Variants in EXOC6B observed in about 807,000 individuals in gnomAD.
EXOC6B encodes the protein SEC15 homolog B.
In EXOC6B, 54 loss-of-function variants were observed where a neutral mutation model predicts 113.5. That is an observed-to-expected ratio of 0.48 (90% CI 0.38 to 0.60). The LOEUF (loss-of-function observed/expected upper bound fraction) is 0.60, where lower values mean the gene tolerates loss of function less well. EXOC6B is among the 20% of genes least tolerant of loss of function. The probability of loss-of-function intolerance (pLI) is 0.00; values close to 1 mark genes in which losing one functional copy is unlikely to be tolerated. For missense variants in EXOC6B, 797 were observed against 977.5 expected, an observed-to-expected ratio of 0.82 and a Z score of 2.46; for synonymous variants, 357 against 339.0, an observed-to-expected ratio of 1.05 and a Z score of -0.58.
intron 1 of EXOC6B, among the ~76,000 whole-genome samples, chr2:72,786,243 A>C (rs1684368436): frequency 6.6e-6 from 1 of 152,258 alleles, no homozygotes; most frequent in Admixed American, 6.5e-5. Flanking sequence ...GAAGAAATAC[A>C]AAGAAATTAT....
At position 72,329,284 on chromosome 2, in the gene EXOC6B, G is replaced by C. The variant is rs138616261; in HGVS notation, c.2196+5663C>G. On this transcript the variant is annotated intron_variant, in intron 20 of 21. Coordinates refer to ENST00000272427, the MANE Select transcript of EXOC6B (RefSeq NM_015189.3). ...CAGGACCAGTATTAAGTACATGTGG[G>C]AAATGGCTTCCTGTTAACAGTTTAA... 5.3e-3 allele frequency among the ~76,000 whole-genome samples: 800 copies of C among 152,120 alleles called. 12 individuals carry two copies. Among genetic ancestry groups the C allele is most frequent in the African/African-American group, 0.018 (755 of 41,534 alleles).
intron 2 of EXOC6B, among the ~76,000 whole-genome samples, chr2:72,740,707 C>T (rs1388547618): frequency 6.6e-6 from 1 of 152,186 alleles, no homozygotes; most frequent in Non-Finnish European, 1.5e-5. Flanking sequence ...AGCAAGGAAA[C>T]AGAAACATGA....
intron 20 of EXOC6B, among the ~76,000 whole-genome samples, chr2:72,188,197 CCA>C (rs547947782): frequency 9.2e-4 from 140 of 152,288 alleles, no homozygotes; most frequent in Non-Finnish European, 1.8e-3. Context: ...GTCTGCAGCC[CCA>C]GTCTTGCCTC....
chr2:72,283,350 C>T (rs1314822070), intron 20 of EXOC6B, among the ~76,000 whole-genome samples: 1 of 152,066 alleles, frequency 6.6e-6, no homozygotes, highest in African/African-American at 2.4e-5. Context: ...TCAACAATTC[C>T]TAGATTTGTA....
intron 1 of EXOC6B, among the ~76,000 whole-genome samples, chr2:72,779,924 G>T (rs1683927093): frequency 6.6e-6 from 1 of 152,148 alleles, no homozygotes. Context: ...CACAGAGGTG[G>T]GAGGAAAGAG....
At chr2:72,537,088 T>A (rs4852291) in intron 8 of EXOC6B, among the ~76,000 whole-genome samples, 132,521 of 152,188 alleles carry the variant, frequency 0.87, 57,924 homozygotes, top group East Asian at 0.99. Flanking sequence ...TATGTTTTGC[T>A]GATTTTTAAA....
intron 6 of EXOC6B, among the ~76,000 whole-genome samples, chr2:72,609,248 A>C (rs568835654): frequency 6.6e-6 from 1 of 152,214 alleles, no homozygotes; most frequent in East Asian, 1.9e-4. Flanking sequence ...AAACAGCAAT[A>C]GAGTCAGACC....
At chr2:72,405,407 C>G (rs190428334) in intron 18 of EXOC6B, among the ~76,000 whole-genome samples, 1 of 152,134 alleles carries the variant, frequency 6.6e-6, no homozygotes, top group Non-Finnish European at 1.5e-5. Context: ...TTGTCAGATT[C>G]ACCGAAGTTC....
chr2:72,342,543 G>A (rs1485336892), intron 19 of EXOC6B, among the ~76,000 whole-genome samples: 2 of 152,066 alleles, frequency 1.3e-5, no homozygotes, highest in Non-Finnish European at 2.9e-5. Flanking sequence ...TATAATGAAC[G>A]TTGGTGAGGG....
At chr2:72,343,470 T>C (rs1329155533) in intron 19 of EXOC6B, among the ~76,000 whole-genome samples, 1 of 152,156 alleles carries the variant, frequency 6.6e-6, no homozygotes, top group African/African-American at 2.4e-5. Context: ...GTGATAATAA[T>C]ACTAGCTTTT....
intron 17 of EXOC6B, among the ~76,000 whole-genome samples, chr2:72,480,014 G>A (rs1345946513): frequency 2.6e-5 from 4 of 151,960 alleles, no homozygotes; most frequent in Non-Finnish European, 5.9e-5. Flanking sequence ...ACCAGCCTGG[G>A]CAACATGGCG....
At chr2:72,232,945 G>A (rs1318842267) in intron 20 of EXOC6B, among the ~76,000 whole-genome samples, 3 of 151,764 alleles carry the variant, frequency 2.0e-5, no homozygotes, top group African/African-American at 7.3e-5. Flanking sequence ...GGTTGCGGGT[G>A]CCTGTAATCC....
At chr2:72,714,173 T>A (rs1679454382) in intron 6 of EXOC6B, among the ~76,000 whole-genome samples, 1 of 152,222 alleles carries the variant, frequency 6.6e-6, no homozygotes. Context: ...TTGTCTGTTA[T>A]AGCAGGGAAC....
intron 20 of EXOC6B, among the ~76,000 whole-genome samples, chr2:72,189,862 T>TC (rs57273120): frequency 1.7e-4 from 22 of 126,862 alleles, no homozygotes; most frequent in Admixed American, 6.1e-4. Flanking sequence ...TTCTTCTTCT[T>TC]TTTTTTTTTT....
chr2:72,712,230 TC>T (rs951783786), intron 6 of EXOC6B, among the ~76,000 whole-genome samples: 1 of 152,166 alleles, frequency 6.6e-6, no homozygotes, highest in African/African-American at 2.4e-5. Flanking sequence ...TTAAAGTAAT[TC>T]TATTTGAGGC....
At chr2:72,407,967 C>T (rs1380939745) in intron 18 of EXOC6B, among the ~76,000 whole-genome samples, 1 of 152,260 alleles carries the variant, frequency 6.6e-6, no homozygotes, top group African/African-American at 2.4e-5. Flanking sequence ...TAGAAAACCC[C>T]ATCGTCTCAG....
At chr2:72,528,605 T>C (rs1652183402) in intron 8 of EXOC6B, among the ~76,000 whole-genome samples, 1 of 152,128 alleles carries the variant, frequency 6.6e-6, no homozygotes, top group Non-Finnish European at 1.5e-5. Context: ...GGAATTTCAT[T>C]AAATCTTTGT....
At chr2:72,211,917 T>C (rs1680219784) in intron 20 of EXOC6B, among the ~76,000 whole-genome samples, 3 of 152,086 alleles carry the variant, frequency 2.0e-5, no homozygotes, top group African/African-American at 7.2e-5. Flanking sequence ...TTCTCAATGG[T>C]GGACTTTTTC....
At chr2:72,797,536 G>T (rs527980994) in intron 1 of EXOC6B, among the ~76,000 whole-genome samples, 133 of 152,162 alleles carry the variant, frequency 8.7e-4, no homozygotes, top group Non-Finnish European at 1.6e-3. Context: ...ATATGTGGCC[G>T]GGTGCAATGG....
Sources: allele counts gnomAD v4.1 joint callset (sites outside exome capture counted in the v4.1 genomes callset), GRCh38; gene constraint gnomAD v4.1.1; transcripts MANE v1.5; gene names NCBI Gene and HGNC (gene_info 2026-07-23, HGNC 2026-07-21).